The following HERC1 variants were observed in gnomAD, a reference collection of about 807,000 sequenced individuals.
HERC1 encodes the protein probable E3 ubiquitin-protein ligase HERC1.
HERC1 carries 160 observed loss-of-function variants against 554.3 expected under a neutral mutation model. That is an observed-to-expected ratio of 0.29 (90% CI 0.25 to 0.33). HERC1 has a LOEUF of 0.33. HERC1 is among the 10% of genes least tolerant of loss of function. The pLI is 1.00. For missense variants in HERC1, 4,919 were observed against 5,918.5 expected, an observed-to-expected ratio of 0.83 and a Z score of 5.54; for synonymous variants, 2,175 against 2,131.7, an observed-to-expected ratio of 1.02 and a Z score of -0.56.
chr15:63,716,154 G>A, intron 22 of HERC1, 148 bp downstream of exon 22: 1 of 679,912 alleles, frequency 1.5e-6, no homozygotes, highest in South Asian at 2.0e-5. Context: ...AGGAGCCCCT[G>A]TCAGCTAATA....
Position 63,616,606 on chromosome 15 carries a change from C to A in HERC1, c.13765G>T (p.Ala4589Ser). Residue 4589 changes from alanine to serine, a missense_variant, in exon 75 of 78, where the codon GCC (alanine) becomes TCC (serine). This residue lies in a region of HERC1 where 284 missense variants were observed against 294.1 expected (regional missense o/e 0.97). Coordinates refer to ENST00000443617, the MANE Select transcript of HERC1 (RefSeq NM_003922.4). Reference protein sequence around the residue: ...FKFLGILMGVAIRTKKPLDLH... With the variant: ...FKFLGILMGVSIRTKKPLDLH... The stretch of plus-strand genomic sequence containing the variant: ...TCCAGAGGCTTCTTTGTGCGAATGG[C>A]AACCCCCATTAAAATTCCTAAAAAC... 1 of 1,613,902 alleles carries A rather than the reference C, an allele frequency of 6.2e-7. No homozygotes were observed. Among genetic ancestry groups the A allele is most frequent in the Non-Finnish European group, 8.5e-7 (1 of 1,179,888 alleles).
intron 27 of HERC1, among the ~76,000 whole-genome samples, chr15:63,695,501 C>G (rs987954362): frequency 2.0e-5 from 3 of 151,420 alleles, no homozygotes; most frequent in Non-Finnish European, 4.4e-5. Context: ...TTCTCCCTGC[C>G]TCAGCCTCCT....
chr15:63,672,457 G>C (rs1440911038), intron 39 of HERC1, 39 bp downstream of exon 39: 2 of 1,429,282 alleles, frequency 1.4e-6, no homozygotes, highest in Non-Finnish European at 1.9e-6. Flanking sequence ...CAGAAACACA[G>C]GCATCAGTAT....
chr15:63,694,578 T>C lies in HERC1; in HGVS notation c.5243-29A>G, dbSNP rs747261958. ...AAAGACAAAGAGACAGTTAAGAATC[T>C]TCCTTTCAGTAAACAAAGCATTTAT... On this transcript the variant is annotated intron_variant, in intron 28 of 77. Transcript: ENST00000443617. This position sits in a 1 kb window ranked among gnomAD's most constrained non-coding sequence, Gnocchi z 4.3. 5.7e-6 allele frequency: 9 copies of C among 1,568,942 alleles called. No homozygotes were observed. Among genetic ancestry groups the C allele is most frequent in the Admixed American group, 1.7e-5 (1 of 59,488 alleles).
At chr15:63,765,782 C>T (rs918551419) in intron 2 of HERC1, among the ~76,000 whole-genome samples, 1 of 152,136 alleles carries the variant, frequency 6.6e-6, no homozygotes. Context: ...GCAAGCTGTA[C>T]CCCAACTGCC....
intron 31 of HERC1, 52 bp from the exon 32 acceptor site, chr15:63,690,699 T>C (rs2072055664): frequency 6.0e-6 from 7 of 1,157,090 alleles, no homozygotes; most frequent in Non-Finnish European, 8.9e-6. Flanking sequence ...AATTCAAAGT[T>C]AAAATGAACT....
rs185738513 is a variant in HERC1, at chr15:63,675,355, T to C, written c.7071-238A>G. Among the ~76,000 whole-genome samples the C allele has an allele frequency of 1.6e-3, 251 of 152,300 alleles. 1 individual carries two copies. Among genetic ancestry groups the C allele is most frequent in the Admixed American group, 7.0e-3 (107 of 15,300 alleles). ...GCTTTCAAATAAGAATATTCACTAATATATAATGTATGCCAGGAGTTAGCA... is the reference window on the plus strand; with the variant it reads ...GCTTTCAAATAAGAATATTCACTAACATATAATGTATGCCAGGAGTTAGCA... On this transcript the variant is annotated intron_variant, in intron 37 of 77. Transcript: ENST00000443617.
At chr15:63,821,554 C>CAAAA (rs35580549) in intron 1 of HERC1, among the ~76,000 whole-genome samples, 3 of 62,400 alleles carry the variant, frequency 4.8e-5, no homozygotes, top group African/African-American at 1.3e-4. Flanking sequence ...GACTCTGTCT[C>CAAAA]AAAAAAAAAA....
chr15:63,733,105 T>C lies in HERC1; in HGVS notation c.2687A>G (p.His896Arg). Residue 896 changes from histidine (H) to arginine (R), a missense_variant, in exon 14 of 78, where the codon CAT (histidine) becomes CGT (arginine). His to Arg is a conservative substitution (Grantham distance 29). This residue lies in a region of HERC1 where 744 missense variants were observed against 1,090.0 expected (regional missense o/e 0.68). Transcript: ENST00000443617. ...GCCAAGTAGGGAGGCTACGTGGGTA[T>C]GATCTTGCAAACTTGTCAGGATGAT... ...LDIILTSLQD[H>R]THVASLLGYS... 6.2e-7 allele frequency: 1 copy of C among 1,613,928 alleles called. No homozygotes were observed. Among genetic ancestry groups the C allele is most frequent in the Non-Finnish European group, 8.5e-7 (1 of 1,179,814 alleles).
At chr15:63,681,573 T>C (rs764629539) in intron 34 of HERC1, among the ~76,000 whole-genome samples, 1 of 151,848 alleles carries the variant, frequency 6.6e-6, no homozygotes, top group Admixed American at 6.6e-5. Context: ...ACTGGTAAAG[T>C]TTCTTACACT....
intron 12 of HERC1, among the ~76,000 whole-genome samples, chr15:63,740,786 G>A (rs994374380): frequency 3.3e-5 from 5 of 151,924 alleles, no homozygotes; most frequent in African/African-American, 1.2e-4. Context: ...CTTTTTTATT[G>A]TTGAGCTGTA....
At chr15:63,657,756 T>C (rs1359575013) in intron 48 of HERC1, among the ~76,000 whole-genome samples, 2 of 152,206 alleles carry the variant, frequency 1.3e-5, no homozygotes, top group African/African-American at 4.8e-5. Flanking sequence ...TATTGATTTA[T>C]TTTTCTTTTA....
intron 56 of HERC1, 119 bp from the exon 57 acceptor site, chr15:63,645,216 G>T: frequency 2.6e-6 from 2 of 782,392 alleles, no homozygotes; most frequent in Non-Finnish European, 4.3e-6. Context: ...AAACTTATTT[G>T]TAGTACATAC....
chr15:63,711,531 A>C (rs17773126), intron 24 of HERC1, among the ~76,000 whole-genome samples: 3,747 of 152,316 alleles, frequency 0.025, 68 homozygotes, highest in Non-Finnish European at 0.034. Context: ...ACGTAAAGAC[A>C]CTGTTCAACT....
chr15:63,673,616 A>T (rs1566996654), intron 38 of HERC1, among the ~76,000 whole-genome samples: 1 of 53,794 alleles, frequency 1.9e-5, no homozygotes, highest in Non-Finnish European at 5.1e-5. Context: ...ATGTGAGGAT[A>T]CAAGATAAAA....
Position 63,677,719 on chromosome 15 carries a change from T to G in HERC1, c.7070+126A>C. On this transcript the variant is annotated intron_variant, in intron 37 of 77. Coordinates refer to ENST00000443617, the MANE Select transcript of HERC1 (RefSeq NM_003922.4). The surrounding 1 kb of genome is among the most constrained non-coding windows in gnomAD (Gnocchi z 4.4). ...ATTACAGTAGAAACATCTAGCTGCA[T>G]GAGAAATATTTTTAAAAGTTAACTG... 6 of 1,444,320 alleles carry G rather than the reference T, an allele frequency of 4.2e-6. No individual in the cohort carries two copies. Among genetic ancestry groups the G allele is most frequent in the Non-Finnish European group, 5.5e-6 (6 of 1,083,350 alleles). The allele number at this position is 1,444,320 out of a possible 1,614,324, so 89.5% of individuals were successfully genotyped here. A position where few individuals can be genotyped will look rare whatever the true frequency, so the allele number is the denominator to read the frequency against.
intron 23 of HERC1, 55 bp from the exon 24 acceptor site, chr15:63,712,950 T>A: frequency 6.6e-7 from 1 of 1,514,812 alleles, no homozygotes; most frequent in Non-Finnish European, 9.0e-7. Context: ...TTAGTGAACA[T>A]AAAATTGAAT....
chr15:63,726,668 C>A (rs895420034), intron 17 of HERC1, among the ~76,000 whole-genome samples: 1 of 152,062 alleles, frequency 6.6e-6, no homozygotes, highest in Admixed American at 6.6e-5. Context: ...GAATACTAAT[C>A]ACTAAAGAAT....
At chr15:63,645,799 T>C (rs2069307927) in intron 55 of HERC1, 117 bp from the exon 56 acceptor site, 1 of 648,182 alleles carries the variant, frequency 1.5e-6, no homozygotes, top group East Asian at 2.8e-5. Context: ...CTCATTTATT[T>C]TGAAATCAAT....
Sources: gnomAD v4.1 joint callset for allele counts (sites outside exome capture counted in the v4.1 genomes callset) on GRCh38, gnomAD v4.1.1 for gene constraint, gnomAD v4.1.1 regional missense constraint, Gnocchi (gnomAD v3.1) non-coding constraint, MANE v1.5 for transcripts, NCBI Gene and HGNC (gene_info 2026-07-23, HGNC 2026-07-21) for gene names.